PRKDC: variants seen among roughly 807,000 people sequenced by gnomAD.
PRKDC encodes the protein DNA-dependent protein kinase catalytic subunit.
A neutral mutation model predicts 486.9 loss-of-function variants in PRKDC; 82 were observed. The ratio of observed to expected loss-of-function variants is 0.17; its 90% CI spans 0.14 to 0.20. PRKDC has a LOEUF of 0.20. Among genes scored for constraint, PRKDC ranks in the 10% least tolerant of loss-of-function variants. PRKDC has a pLI of 1.00. For synonymous variants in PRKDC, 1,895 were observed against 1,837.0 expected (o/e 1.03, Z -0.81); for missense variants, 4,504 against 5,038.2 (o/e 0.89, Z 3.21).
intron 40 of PRKDC, among the ~76,000 whole-genome samples, chr8:47,871,452 G>A (rs2088951692): frequency 6.6e-6 from 1 of 152,048 alleles, no homozygotes; most frequent in Admixed American, 6.5e-5. Flanking sequence ...AGATGTTGAA[G>A]GAAAAACATT....
chr8:47,862,734 A>T (rs1327566589), intron 42 of PRKDC, among the ~76,000 whole-genome samples, 193 bp from the exon 43 acceptor site: 4 of 152,234 alleles, frequency 2.6e-5, no homozygotes, highest in African/African-American at 9.7e-5. Flanking sequence ...CAGCATATAT[A>T]CATGGATCTT....
intron 62 of PRKDC, among the ~76,000 whole-genome samples, chr8:47,827,366 G>A (rs969092403): frequency 2.0e-5 from 3 of 152,052 alleles, no homozygotes; most frequent in Non-Finnish European, 4.4e-5. Flanking sequence ...AAGGTCACTA[G>A]ATACAAAAAT....
intron 54 of PRKDC, among the ~76,000 whole-genome samples, chr8:47,842,861 T>C (rs530631970): frequency 1.4e-4 from 21 of 152,230 alleles, no homozygotes; most frequent in African/African-American, 4.6e-4. Flanking sequence ...AAAGGCAACA[T>C]AGCCATTTTA....
At chr8:47,816,284 T>C (rs1198236565) in intron 68 of PRKDC, among the ~76,000 whole-genome samples, 2 of 151,974 alleles carry the variant, frequency 1.3e-5, no homozygotes, top group Non-Finnish European at 2.9e-5. Flanking sequence ...TGAGAAGTAT[T>C]CTGGCCAGAG....
chr8:47,796,489 T>C (rs2086988384), intron 73 of PRKDC, among the ~76,000 whole-genome samples: 2 of 152,206 alleles, frequency 1.3e-5, no homozygotes, highest in South Asian at 4.1e-4. Context: ...CGCATGCATT[T>C]CCTCCCACCA....
rs1455027578 is a variant in PRKDC at position 47,933,900 on chromosome 8, G to C, written c.1623+65C>G. ...AATATAATTCTGAAATAAGTCTTAT[G>C]TCTAAACTATGGAGACTAATAAAGG... On this transcript the variant is annotated intron_variant, in intron 15 of 85. Transcript: ENST00000314191. 3 of 1,469,186 alleles carry C rather than the reference G, an allele frequency of 2.0e-6. No individual in the cohort carries two copies. The African/African-American group carries it at 4.2e-5, about 21-fold the overall frequency. The allele number at this position is 1,469,186 out of a possible 1,614,324, so 91.0% of individuals were successfully genotyped here. A position where few individuals can be genotyped will look rare whatever the true frequency, so the allele number is the denominator to read the frequency against.
intron 39 of PRKDC, among the ~76,000 whole-genome samples, chr8:47,878,990 A>C (rs188381400): frequency 1.3e-5 from 2 of 152,376 alleles, no homozygotes; most frequent in Admixed American, 6.5e-5. Context: ...AGGGATGCTC[A>C]ACCTATCATA....
Position 47,912,344 on chromosome 8 carries a change from G to C in PRKDC, c.2934+66C>G, listed in dbSNP as rs181662488. ...CTCCAGGTAATTCCACTGCTCTGCT[G>C]ACCACTGAATTAGACAAACCAAACT... is the stretch of plus-strand genomic sequence containing the variant. On this transcript the variant is annotated intron_variant, in intron 25 of 85. Transcript: ENST00000314191. The C allele has an allele frequency of 5.0e-3, 7,118 of 1,434,134 alleles. 23 individuals are homozygous for C. Among genetic ancestry groups the C allele is most frequent in the Non-Finnish European group, 5.8e-3 (6,226 of 1,082,520 alleles). The allele number at this position is 1,434,134 out of a possible 1,614,324, so 88.8% of individuals were successfully genotyped here.
chr8:47,943,146 C>A, intron 10 of PRKDC, 63 bp downstream of exon 10: 1 of 1,542,520 alleles, frequency 6.5e-7, no homozygotes, highest in South Asian at 1.2e-5. Flanking sequence ...TGCATGCATG[C>A]AAAGGGAATT....
rs746188479 is a variant in PRKDC, at chr8:47,834,217, C to G, written c.8131G>C (p.Glu2711Gln). 6.2e-7 allele frequency: 1 copy of G among 1,614,048 alleles called. No individual in the cohort carries two copies. Among genetic ancestry groups the G allele is most frequent in the Non-Finnish European group, 8.5e-7 (1 of 1,179,902 alleles). The change falls in exon 59 of 86, where the codon GAG (glutamate) becomes CAG (glutamine). Residue 2711 changes from glutamate to glutamine, a missense_variant. Physicochemically the swap from Glu to Gln is conservative, Grantham distance 29. Coordinates refer to ENST00000314191, the MANE Select transcript of PRKDC (RefSeq NM_006904.7). ...TTACCTTTCACTTTGTTATCCACCT[C>G]GTCCCCTGGAAGGCCCAGCCTTTTT... is the stretch of plus-strand genomic sequence containing the variant. ...GKKRLGLPGD[E>Q]VDNKVKGAAG...
chr8:47,929,437 C>T (rs775937972), intron 18 of PRKDC, among the ~76,000 whole-genome samples: 9 of 152,204 alleles, frequency 5.9e-5, no homozygotes, highest in Non-Finnish European at 1.3e-4. Flanking sequence ...CCTGTAATTA[C>T]CCAGGTGGGC....
At chr8:47,831,756 T>C in intron 60 of PRKDC, 58 bp downstream of exon 60, 2 of 1,564,182 alleles carry the variant, frequency 1.3e-6, no homozygotes, top group Middle Eastern at 1.7e-4. Flanking sequence ...GTTCACTTCG[T>C]CTGTATCCTG....
chr8:47,812,774 TA>T (rs1245267801), intron 68 of PRKDC, among the ~76,000 whole-genome samples: 6 of 151,604 alleles, frequency 4.0e-5, no homozygotes, highest in African/African-American at 1.2e-4. Context: ...AGACAAATAA[TA>T]AAGAAAATTA....
intron 38 of PRKDC, among the ~76,000 whole-genome samples, chr8:47,880,869 T>A (rs1462651095): frequency 3.3e-5 from 5 of 151,346 alleles, no homozygotes; most frequent in African/African-American, 1.2e-4. Flanking sequence ...GCCTGGCCAC[T>A]ATGGTGAAAT....
At chr8:47,952,411 G>A (rs1299674325) in intron 7 of PRKDC, among the ~76,000 whole-genome samples, 9 of 152,200 alleles carry the variant, frequency 5.9e-5, no homozygotes, top group Admixed American at 1.3e-4. Flanking sequence ...TTGAAATGAC[G>A]AAACCACAGA....
At chr8:47,775,919 G>T (rs1374902744) in intron 85 of PRKDC, among the ~76,000 whole-genome samples, 2 of 151,334 alleles carry the variant, frequency 1.3e-5, no homozygotes, top group Non-Finnish European at 2.9e-5. Flanking sequence ...GCCTCCCCAG[G>T]TTCAAGTCAT....
At chr8:47,792,715 T>G (rs1218581410) in intron 74 of PRKDC, among the ~76,000 whole-genome samples, 1 of 152,130 alleles carries the variant, frequency 6.6e-6, no homozygotes, top group Non-Finnish European at 1.5e-5. Flanking sequence ...AAATATCCCA[T>G]GTACCCCATA....
chr8:47,893,605 T>C (rs1032955034), intron 30 of PRKDC, among the ~76,000 whole-genome samples: 2 of 152,168 alleles, frequency 1.3e-5, no homozygotes, highest in Non-Finnish European at 2.9e-5. Context: ...CCATTTGGAG[T>C]AGCTGCATAC....
intron 68 of PRKDC, among the ~76,000 whole-genome samples, chr8:47,813,965 C>A (rs1337606396): frequency 2.6e-5 from 4 of 152,172 alleles, no homozygotes; most frequent in Non-Finnish European, 5.9e-5. Context: ...GAAGATATTA[C>A]AAAAAAGAAA....
Sources: gnomAD v4.1 joint callset for allele counts (sites outside exome capture counted in the v4.1 genomes callset) on GRCh38, gnomAD v4.1.1 for gene constraint, MANE v1.5 for transcripts, NCBI Gene and HGNC (gene_info 2026-07-23, HGNC 2026-07-21) for gene names.